The following MKLN1 variants were observed in gnomAD, a reference collection of about 807,000 sequenced individuals.
MKLN1 encodes the protein muskelin.
MKLN1 carries 18 observed loss-of-function variants against 99.0 expected under a neutral mutation model. The observed-to-expected ratio is 0.18, with a 90% CI of 0.13 to 0.27. The LOEUF (loss-of-function observed/expected upper bound fraction) is 0.27. Ranked by LOEUF, MKLN1 falls within the 10% of genes least tolerant of loss-of-function variation. The probability of loss-of-function intolerance (pLI) is 1.00; values close to 1 mark genes in which losing one functional copy is unlikely to be tolerated. For missense variants in MKLN1, 621 were observed against 875.9 expected, an observed-to-expected ratio of 0.71 and a Z score of 3.67; for synonymous variants, 288 against 293.2, an observed-to-expected ratio of 0.98 and a Z score of 0.18.
intron 3 of MKLN1, among the ~76,000 whole-genome samples, chr7:131,228,393 C>T (rs929672100): frequency 3.7e-4 from 56 of 152,204 alleles, no homozygotes; most frequent in African/African-American, 1.3e-3. Context: ...GCTGGGATTA[C>T]AGGCATGATG....
At chr7:131,126,134 T>C (rs1795454537) in intron 1 of MKLN1, among the ~76,000 whole-genome samples, 1 of 151,956 alleles carries the variant, frequency 6.6e-6, no homozygotes, top group African/African-American at 2.4e-5. Context: ...ATTAAGCTTG[T>C]ACGTTTGAAG....
At position 131,115,613 on chromosome 7, in the gene MKLN1, C is replaced by T. The variant is rs181971462; in HGVS notation, c.-419+5406C>T. Among the ~76,000 whole-genome samples the T allele has an allele frequency of 2.5e-3, 382 of 152,296 alleles. 2 individuals carry two copies. Among genetic ancestry groups the T allele is most frequent in the African/African-American group, 8.9e-3 (368 of 41,566 alleles). ...CACCTGTGATAAAGTCCAGACTCCTCCTCCATGCAGGGCCCGTGGAGCCCT... is the reference window on the plus strand; with the variant it reads ...CACCTGTGATAAAGTCCAGACTCCTTCTCCATGCAGGGCCCGTGGAGCCCT... On this transcript the variant is annotated intron_variant, in intron 1 of 7. Transcript: ENST00000416992.
chr7:131,123,727 G>T (rs1412413833), intron 1 of MKLN1, among the ~76,000 whole-genome samples: 1 of 151,760 alleles, frequency 6.6e-6, no homozygotes, highest in Non-Finnish European at 1.5e-5. Flanking sequence ...GGCAGAGGTT[G>T]CAGTGAGCCG....
At position 131,254,055 on chromosome 7, in the gene MKLN1, C is replaced by A. The variant is rs185544761; in HGVS notation, c.-179+51081C>A. Among the ~76,000 whole-genome samples the A allele has an allele frequency of 3.9e-5, 6 of 152,234 alleles. No individual in the cohort carries two copies. In the East Asian group the frequency reaches 9.7e-4, roughly 25 times the overall value. ...TTGTTGAAAACAATAGAATGACCAG[C>A]AACTAGAGGAGCCTAACACCTAGGG... On this transcript the variant is annotated intron_variant, in intron 3 of 7. Coordinates refer to the MKLN1 transcript ENST00000416992.
rs140978294 is a variant in MKLN1, at chr7:131,333,472, TTTTA to T, written c.98+5479_98+5482del. On this transcript the variant is annotated intron_variant, in intron 1 of 17. Coordinates refer to ENST00000352689, the MANE Select transcript of MKLN1 (RefSeq NM_013255.5). ...TAGACATTTAGGCTTTGTGGTTTTA[TTTTA>T]TTTTCATTTGTGTTTCTTGTTATTT... Among the ~76,000 whole-genome samples the T allele has an allele frequency of 5.9e-3, 893 of 152,328 alleles. 9 individuals carry two copies. Among genetic ancestry groups the T allele is most frequent in the African/African-American group, 0.021 (865 of 41,578 alleles).
Position 131,184,567 on chromosome 7 carries a change from C to T in MKLN1, c.-296-18290C>T, listed in dbSNP as rs149978236. Among the ~76,000 whole-genome samples the T allele has an allele frequency of 5.3e-3, 810 of 151,968 alleles. 4 individuals carry two copies. The highest frequency in any genetic ancestry group is 0.019 in the African/African-American group (774 of 41,446). ...GAGATGGAGTTTCGTTCTTGTTGCC[C>T]AGGCTGGAGTGCAATGGCGTGGTCT... On this transcript the variant is annotated intron_variant, in intron 2 of 7. Coordinates refer to the MKLN1 transcript ENST00000416992.
chr7:131,426,484 G>C (rs1795361655), intron 8 of MKLN1, among the ~76,000 whole-genome samples: 1 of 151,870 alleles, frequency 6.6e-6, no homozygotes, highest in Admixed American at 6.6e-5. Context: ...GAGTATTACT[G>C]TGTGCCATTT....
intron 2 of MKLN1, among the ~76,000 whole-genome samples, chr7:131,183,268 C>T (rs17165476): frequency 5.8e-4 from 89 of 152,242 alleles, no homozygotes; most frequent in African/African-American, 1.8e-3. Flanking sequence ...TCCCAACAAC[C>T]GGTAAGGTAA....
intron 9 of MKLN1, among the ~76,000 whole-genome samples, chr7:131,432,915 T>C (rs1191621564): frequency 6.6e-6 from 1 of 152,222 alleles, no homozygotes; most frequent in Non-Finnish European, 1.5e-5. Flanking sequence ...ACAAATTTTT[T>C]TGTTAGTCAT....
chr7:131,412,979 CATATT>C (rs1224227997), intron 7 of MKLN1, among the ~76,000 whole-genome samples: 2 of 152,176 alleles, frequency 1.3e-5, no homozygotes, highest in Non-Finnish European at 2.9e-5. Flanking sequence ...CAAAGACACA[CATATT>C]ATAGCAAACA....
intron 3 of MKLN1, among the ~76,000 whole-genome samples, chr7:131,258,404 T>G (rs1797688453): frequency 9.6e-6 from 1 of 104,090 alleles, no homozygotes; most frequent in Non-Finnish European, 2.3e-5. Context: ...GACACAGAGA[T>G]GGAAGTAGTG....
chr7:131,375,483 A>C lies in MKLN1; in HGVS notation c.158A>C (p.Tyr53Ser). ...QSSRWSSESN[Y>S]PPQYLILKLE... Reference sequence around the variant, plus strand: ...TCAAGATGGTCTTCAGAGAGCAACTATCCTCCCCAGGTAAGATTACATGTA... The same window carrying C: ...TCAAGATGGTCTTCAGAGAGCAACTCTCCTCCCCAGGTAAGATTACATGTA... The change falls in exon 2 of 18, where the codon TAT becomes TCT. Residue 53 changes from tyrosine (Y) to serine (S), a missense_variant. This residue lies in a region of MKLN1 where 27 missense variants were observed against 19.7 expected (regional missense o/e 1.37). Transcript: ENST00000352689. 1 of 1,605,864 alleles carries C rather than the reference A, an allele frequency of 6.2e-7. No homozygotes were observed. The highest frequency in any genetic ancestry group is 8.5e-7 in the Non-Finnish European group (1 of 1,172,666).
At chr7:131,166,309 A>G (rs1176798283) in intron 2 of MKLN1, among the ~76,000 whole-genome samples, 1 of 152,160 alleles carries the variant, frequency 6.6e-6, no homozygotes, top group Non-Finnish European at 1.5e-5. Flanking sequence ...AAAGATGCTG[A>G]GTTTGATTTC....
At chr7:131,214,740 T>C (rs1475375610) in intron 3 of MKLN1, among the ~76,000 whole-genome samples, 2 of 152,258 alleles carry the variant, frequency 1.3e-5, no homozygotes, top group African/African-American at 4.8e-5. Flanking sequence ...CACTGTACCA[T>C]GTTCCATAAT....
intron 6 of MKLN1, among the ~76,000 whole-genome samples, chr7:131,405,292 G>T (rs895721581): frequency 6.7e-6 from 1 of 150,092 alleles, no homozygotes. Flanking sequence ...CCAATTTTTG[G>T]TTTGTTCATC....
chr7:131,379,768 C>T (rs1448296181), intron 2 of MKLN1, among the ~76,000 whole-genome samples: 5 of 152,276 alleles, frequency 3.3e-5, no homozygotes, highest in South Asian at 2.1e-4. Flanking sequence ...CCATTCTCCA[C>T]GATGTGCGTA....
intron 2 of MKLN1, among the ~76,000 whole-genome samples, chr7:131,386,084 G>A (rs1794009434): frequency 6.6e-6 from 1 of 150,696 alleles, no homozygotes; most frequent in South Asian, 2.1e-4. Flanking sequence ...CGTGATCTTG[G>A]CTCACTGCAA....
At chr7:131,215,176 A>G (rs1796962497) in intron 3 of MKLN1, among the ~76,000 whole-genome samples, 2 of 150,964 alleles carry the variant, frequency 1.3e-5, no homozygotes. Context: ...CCCCCACCAA[A>G]TAGCTGGGAT....
intron 1 of MKLN1, among the ~76,000 whole-genome samples, chr7:131,365,708 C>A (rs1252244840): frequency 6.6e-6 from 1 of 152,102 alleles, no homozygotes; most frequent in East Asian, 1.9e-4. Flanking sequence ...GGAGTCTTTT[C>A]CCCATTGCTT....
Sources: allele counts gnomAD v4.1 joint callset (sites outside exome capture counted in the v4.1 genomes callset), GRCh38; gene constraint gnomAD v4.1.1; regional missense constraint gnomAD v4.1.1; transcripts MANE v1.5; gene names NCBI Gene and HGNC (gene_info 2026-07-23, HGNC 2026-07-21).